CCDC57: variants seen among roughly 807,000 people sequenced by gnomAD.
CCDC57 encodes coiled-coil domain containing 57.
In CCDC57, 118 loss-of-function variants were observed where a neutral mutation model predicts 118.9. The observed-to-expected ratio is 0.99, with a 90% confidence interval of 0.86 to 1.16. The LOEUF (loss-of-function observed/expected upper bound fraction) is 1.16. CCDC57 is among the 50% of genes most tolerant of loss of function. The pLI is 0.00. For synonymous variants in CCDC57, 527 were observed against 532.9 expected, an observed-to-expected ratio of 0.99 and a Z score of 0.15; for missense variants, 1,300 against 1,320.7, an observed-to-expected ratio of 0.98 and a Z score of 0.24.
intron 14 of CCDC57, among the ~76,000 whole-genome samples, chr17:82,158,419 G>A (rs1035383904): frequency 6.6e-6 from 1 of 152,190 alleles, no homozygotes; most frequent in African/African-American, 2.4e-5. Flanking sequence ...TGGGTGCGGT[G>A]GCTCACGCCT....
At chr17:82,193,300 T>C (rs1411258477) in intron 7 of CCDC57, among the ~76,000 whole-genome samples, 3 of 151,730 alleles carry the variant, frequency 2.0e-5, no homozygotes, top group African/African-American at 7.3e-5. Flanking sequence ...TCGCAGCACT[T>C]TGGGAGGCCA....
chr17:82,146,736 C>T (rs538717103), intron 16 of CCDC57, among the ~76,000 whole-genome samples: 3 of 152,358 alleles, frequency 2.0e-5, no homozygotes, highest in South Asian at 2.1e-4. Flanking sequence ...TGCACACACA[C>T]GGTCTAACAT....
intron 11 of CCDC57, among the ~76,000 whole-genome samples, chr17:82,174,132 G>A (rs975434347): frequency 1.3e-5 from 2 of 152,232 alleles, no homozygotes; most frequent in African/African-American, 4.8e-5. Context: ...CCACCCTGAG[G>A]GACGCAGAGC....
intron 19 of CCDC57, among the ~76,000 whole-genome samples, chr17:82,124,884 A>G (rs989963109): frequency 6.6e-6 from 1 of 152,226 alleles, no homozygotes; most frequent in African/African-American, 2.4e-5. Flanking sequence ...AAGCAAACGA[A>G]TGAACACGAA....
chr17:82,158,648 AG>A (rs2042952102), intron 14 of CCDC57, among the ~76,000 whole-genome samples: 1 of 147,162 alleles, frequency 6.8e-6, no homozygotes, highest in East Asian at 2.1e-4. Context: ...AGATCGCGCC[AG>A]TGTACTCCAG....
At position 82,212,394 on chromosome 17, in the gene CCDC57, TCTC is replaced by T. The variant is rs2050230488; in HGVS notation, c.-211+388_-211+390del. 9.1e-5 allele frequency among the ~76,000 whole-genome samples: 3 copies of T among 32,982 alleles called. No homozygotes were observed. The highest frequency in any genetic ancestry group is 4.4e-4 in the Admixed American group (1 of 2,252). The allele number at this position is 32,982 out of a possible 152,430, so 21.6% of individuals were successfully genotyped here. On this transcript the variant is annotated intron_variant, in intron 1 of 19. Transcript: ENST00000665763. The surrounding 1 kb of genome is among the most constrained non-coding windows in gnomAD (Gnocchi z 4.1). Reference sequence around the variant, plus strand: ...CACCGCCTCCGGCCTTTTTTTTTCCTCTCTTTTTTTTTTTTTTTTTTTAAACTC... The same window carrying T: ...CACCGCCTCCGGCCTTTTTTTTTCCTTTTTTTTTTTTTTTTTTTTAAACTC...
chr17:82,158,196 G>A (rs1343191985), intron 14 of CCDC57, among the ~76,000 whole-genome samples: 2 of 152,192 alleles, frequency 1.3e-5, no homozygotes, highest in African/African-American at 4.8e-5. Flanking sequence ...AGGCTGGTGG[G>A]GAGAATCCGT....
chr17:82,210,993 TAA>T (rs1207759837), intron 1 of CCDC57, among the ~76,000 whole-genome samples: 5 of 68,842 alleles, frequency 7.3e-5, no homozygotes, highest in Non-Finnish European at 8.4e-5. Flanking sequence ...GACTCCGTCT[TAA>T]AAAAAAAAAA....
At chr17:82,168,397 C>T (rs1003698609) in intron 13 of CCDC57, among the ~76,000 whole-genome samples, 2 of 152,200 alleles carry the variant, frequency 1.3e-5, no homozygotes. Flanking sequence ...AAGTTCGAGA[C>T]CAGCCTGGCC....
At chr17:82,166,885 C>T (rs1475052995) in intron 13 of CCDC57, among the ~76,000 whole-genome samples, 1 of 151,980 alleles carries the variant, frequency 6.6e-6, no homozygotes, top group Non-Finnish European at 1.5e-5. Flanking sequence ...TACCACACTC[C>T]AGACTGGACA....
intron 16 of CCDC57, among the ~76,000 whole-genome samples, chr17:82,137,776 C>T (rs938774620): frequency 2.6e-5 from 4 of 151,118 alleles, no homozygotes; most frequent in Non-Finnish European, 4.4e-5. Context: ...TTGGTTCAAG[C>T]GGTTCTCCTT....
intron 16 of CCDC57, among the ~76,000 whole-genome samples, chr17:82,139,481 G>A (rs901953383): frequency 1.3e-5 from 2 of 152,122 alleles, no homozygotes; most frequent in Non-Finnish European, 2.9e-5. Flanking sequence ...TCAGCCTTTC[G>A]AGTAGCTGGG....
At chr17:82,202,651 G>T (rs3935140) in intron 2 of CCDC57, among the ~76,000 whole-genome samples, 35,023 of 152,012 alleles carry the variant, frequency 0.23, 4,234 homozygotes, top group African/African-American at 0.3. Context: ...TCGGGAGGCT[G>T]AGGCAGGAGG....
intron 16 of CCDC57, among the ~76,000 whole-genome samples, chr17:82,150,890 GACC>G (rs1324536480): frequency 2.0e-3 from 191 of 94,232 alleles, no homozygotes; most frequent in Middle Eastern, 6.8e-3. Context: ...CCCAGAACCT[GACC>G]CACACCCAGA....
At chr17:82,156,922 G>C (rs950933875) in intron 15 of CCDC57, 1 of 152,378 alleles carries the variant, frequency 6.6e-6, no homozygotes, top group African/African-American at 2.4e-5. Flanking sequence ...GATCCACGCT[G>C]TCTTCCACTT....
In CCDC57 at chr17:82,136,050, G is replaced by A. The variant is rs111486180; in HGVS notation, c.2456-1856C>T. Among the ~76,000 whole-genome samples the A allele has an allele frequency of 4.6e-3, 704 of 152,306 alleles. 6 individuals are homozygous for A. The highest frequency in any genetic ancestry group is 0.016 in the African/African-American group (672 of 41,558). On this transcript the variant is annotated intron_variant, in intron 16 of 19. Transcript: ENST00000665763. ...CTTCGTGCGCAGCTGGTGGGCATGG[G>A]AGGCGGTTTGGTGGCTCCTTACCAG...
chr17:82,109,726 G>A lies in CCDC57; in HGVS notation c.2900-7860C>T, dbSNP rs10153300. On this transcript the variant is annotated intron_variant, in intron 19 of 19. Transcript: ENST00000665763. ...CAAAAAATTAGCCGGGCGTGGTGGC[G>A]GGCACCTGTAGTCCCACTTACTCGG... 1.8e-3 allele frequency among the ~76,000 whole-genome samples: 275 copies of A among 151,686 alleles called. 1 individual carries two copies. The highest frequency in any genetic ancestry group is 5.9e-3 in the African/African-American group (243 of 41,360).
At chr17:82,156,752 CCT>C (rs1223134476) in intron 15 of CCDC57, 1 of 152,444 alleles carries the variant, frequency 6.6e-6, no homozygotes, top group East Asian at 1.9e-4. Flanking sequence ...CTGTTGTACC[CCT>C]GAGGCATCCT....
In CCDC57 at chr17:82,186,408, A is replaced by G. The variant is rs146057206; in HGVS notation, c.1052+1811T>C. ...GTCACCTCGGCCGCACTACATGGAAAATGGAAGCACCTGCGGCCCCTCTCA... is the reference window on the plus strand; with the variant it reads ...GTCACCTCGGCCGCACTACATGGAAGATGGAAGCACCTGCGGCCCCTCTCA... On this transcript the variant is annotated intron_variant, in intron 8 of 19. Coordinates refer to ENST00000665763, the Ensembl canonical transcript of CCDC57. Among the ~76,000 whole-genome samples the G allele has an allele frequency of 1.2e-4, 19 of 152,280 alleles. No individual in the cohort carries two copies. In the East Asian group the frequency reaches 3.5e-3, roughly 28 times the overall value.
Sources: allele counts gnomAD v4.1 joint callset (sites outside exome capture counted in the v4.1 genomes callset), GRCh38; gene constraint gnomAD v4.1.1; non-coding constraint Gnocchi (gnomAD v3.1); transcripts MANE v1.5; gene names NCBI Gene and HGNC (gene_info 2026-07-23, HGNC 2026-07-21).